Variants in GRIN2D observed in about 807,000 individuals in gnomAD.
GRIN2D encodes the protein glutamate receptor ionotropic, NMDA 2D.
Under a neutral mutation model 103.2 loss-of-function variants are expected in GRIN2D, and 37 were observed. That is an observed-to-expected ratio of 0.36 (90% CI 0.28 to 0.47). The LOEUF is 0.47. GRIN2D is among the 20% of genes least tolerant of loss of function. GRIN2D has a pLI of 1.00. For synonymous variants in GRIN2D, 845 were observed against 885.6 expected (o/e 0.95, Z 0.81); for missense variants, 1,557 against 1,910.6 (o/e 0.81, Z 3.45).
At position 48,442,579 on chromosome 19, in the gene GRIN2D, G is replaced by C; in HGVS notation, c.2674-21G>C. On this transcript the variant is annotated intron_variant, in intron 13 of 13. Transcript: ENST00000263269. This position sits in a 1 kb window ranked among gnomAD's most constrained non-coding sequence, Gnocchi z 7.2. ...TCCTGGGCATCTCGCGCTGACCCCC[G>C]TCCTGTCCCCGGACCCGCAGGGCAT... The C allele has an allele frequency of 6.7e-7, 1 of 1,494,206 alleles. No individual in the cohort carries two copies. 92.6% of individuals were successfully genotyped at this position (1,494,206 alleles called of 1,614,324 possible). A position where few individuals can be genotyped will look rare whatever the true frequency, so the allele number is the denominator to read the frequency against.
intron 4 of GRIN2D, among the ~76,000 whole-genome samples, chr19:48,411,785 A>C (rs7255050): frequency 0.62 from 93,649 of 151,518 alleles, 30,480 homozygotes; most frequent in East Asian, 0.84. Flanking sequence ...AGACACCTTG[A>C]AGCCAGTGTT....
At chr19:48,404,279 T>C (rs1438567565) in intron 3 of GRIN2D, among the ~76,000 whole-genome samples, 3 of 150,926 alleles carry the variant, frequency 2.0e-5, no homozygotes, top group African/African-American at 7.3e-5. Context: ...TGTTCCTGAT[T>C]GGAGGTGGCT....
intron 11 of GRIN2D, among the ~76,000 whole-genome samples, chr19:48,431,883 C>A (rs541431815): frequency 2.9e-4 from 44 of 151,428 alleles, no homozygotes; most frequent in African/African-American, 1.0e-3. Flanking sequence ...CCGCGCCCGG[C>A]CTGCTTTCCT....
chr19:48,437,852 G>A (rs1437812192), intron 11 of GRIN2D, among the ~76,000 whole-genome samples: 2 of 152,142 alleles, frequency 1.3e-5, no homozygotes, highest in Admixed American at 1.3e-4. Context: ...TATTTTTCTC[G>A]CCTATACTTA....
rs1356060325 is a variant in GRIN2D at position 48,404,976 on chromosome 19, C to T, written c.708C>T (p.Leu236=). Residue 236 remains leucine (L), a synonymous_variant, in exon 4 of 14, where the codon CTC becomes CTT. Transcript: ENST00000263269. The stretch of plus-strand genomic sequence containing the variant: ...GCGAGGCCGTGCTCAGTGCCCAGCT[C>T]CGCAGTGTCAGCGCGCAGATCCGCC... The part of the protein sequence containing the change: ...GAGEAVLSAQ[L]RSVSAQIRLL... 1.9e-6 allele frequency: 3 copies of T among 1,612,408 alleles called. No individual in the cohort carries two copies. The highest frequency in any genetic ancestry group is 2.5e-6 in the Non-Finnish European group (3 of 1,179,616).
intron 8 of GRIN2D, among the ~76,000 whole-genome samples, chr19:48,416,592 T>C (rs1039136243): frequency 6.6e-6 from 1 of 152,168 alleles, no homozygotes; most frequent in South Asian, 2.1e-4. Flanking sequence ...TAAGTCACCA[T>C]CAGTGTTTAC....
Position 48,442,548 on chromosome 19 carries a change from C to G in GRIN2D, c.2674-52C>G. 6 of 1,475,164 alleles carry G rather than the reference C, an allele frequency of 4.1e-6. No individual in the cohort carries two copies. Among genetic ancestry groups the G allele is most frequent in the Non-Finnish European group, 5.4e-6 (6 of 1,117,910 alleles). The allele number at this position is 1,475,164 out of a possible 1,614,324, so 91.4% of individuals were successfully genotyped here. On this transcript the variant is annotated intron_variant, in intron 13 of 13. Coordinates refer to ENST00000263269, the MANE Select transcript of GRIN2D (RefSeq NM_000836.4). This position sits in a 1 kb window ranked among gnomAD's most constrained non-coding sequence, Gnocchi z 7.2. Reference sequence around the variant, plus strand: ...GAGAGAGGGACTGAGGGGAGGCGGGCAGGCGTCCTGGGCATCTCGCGCTGA... The same window carrying G: ...GAGAGAGGGACTGAGGGGAGGCGGGGAGGCGTCCTGGGCATCTCGCGCTGA...
Position 48,443,552 on chromosome 19 carries a change from C to T in GRIN2D, c.3626C>T (p.Pro1209Leu), listed in dbSNP as rs1971335833. The T allele has an allele frequency of 7.9e-7, 1 of 1,269,906 alleles. No individual in the cohort carries two copies. The highest frequency in any genetic ancestry group is 9.9e-7 in the Non-Finnish European group (1 of 1,008,348). The allele number at this position is 1,269,906 out of a possible 1,614,324, so 78.7% of individuals were successfully genotyped here. A position where few individuals can be genotyped will look rare whatever the true frequency, so the allele number is the denominator to read the frequency against. The change falls in exon 14 of 14, where the codon CCA (proline) becomes CTA (leucine). Residue 1209 changes from proline to leucine, a missense_variant. By Grantham distance (98) the Pro-to-Leu change is moderately conservative. Around this residue, in one of 7 missense-constraint regions of GRIN2D, gnomAD observed 632 missense variants for 572.8 expected, o/e 1.10. Transcript: ENST00000263269. This position sits in a 1 kb window ranked among gnomAD's most constrained non-coding sequence, Gnocchi z 8.9. ...GGCCTGGACGGCGGCTGGTGGGCGC[C>T]ACCGCCTCCACCCTGGGCCGCCGGG... The part of the protein sequence containing the change: ...HDGLDGGWWA[P>L]PPPPWAAGPL...
rs8110223 is a variant in GRIN2D at position 48,421,234 on chromosome 19, G to A, written c.2092-551G>A. On this transcript the variant is annotated intron_variant, in intron 10 of 13. Coordinates refer to ENST00000263269, the MANE Select transcript of GRIN2D (RefSeq NM_000836.4). The surrounding 1 kb of genome is among the most constrained non-coding windows in gnomAD (Gnocchi z 4.8). ...ACCTGAGGTTGGTAGTTCGAGACCA[G>A]CCTGACCAACATGGAGAAACCCCAT... is the stretch of plus-strand genomic sequence containing the variant. 2.5e-4 allele frequency among the ~76,000 whole-genome samples: 38 copies of A among 152,128 alleles called. No homozygotes were observed. Among genetic ancestry groups the A allele is most frequent in the African/African-American group, 8.9e-4 (37 of 41,418 alleles).
intron 2 of GRIN2D, among the ~76,000 whole-genome samples, chr19:48,396,551 C>T (rs1247595653): frequency 1.5e-5 from 2 of 135,530 alleles, no homozygotes; most frequent in Non-Finnish European, 3.2e-5. Context: ...TATTTTGGGG[C>T]GGAGTGGGGG....
chr19:48,414,454 G>C lies in GRIN2D; in HGVS notation c.1282G>C (p.Asp428His). The change falls in exon 6 of 14, where the codon GAC becomes CAC. Residue 428 changes from aspartate to histidine, a missense_variant. Asp to His is a moderately conservative substitution (Grantham distance 81). Coordinates refer to ENST00000263269, the MANE Select transcript of GRIN2D (RefSeq NM_000836.4). This position sits in a 1 kb window ranked among gnomAD's most constrained non-coding sequence, Gnocchi z 4.6. ...RYGRFLQPVD[D>H]TQHLTVATLE... is the part of the protein sequence containing the mutation. ...TGGTCGCTTCCTGCAGCCAGTGGAC[G>C]ACACGCAGCACCTCACGGTGGCCAC... 6.2e-7 allele frequency: 1 copy of C among 1,608,228 alleles called. No individual in the cohort carries two copies. The highest frequency in any genetic ancestry group is 8.5e-7 in the Non-Finnish European group (1 of 1,177,406).
rs1160849237 is a variant in GRIN2D, at chr19:48,430,941, T to C, written c.2252+8996T>C. Reference sequence around the variant, plus strand: ...TTCAAGCGATTCTCATGCCTCAGCCTCCCAAATAGCTGGGATTACAGTCGT... The same window carrying C: ...TTCAAGCGATTCTCATGCCTCAGCCCCCCAAATAGCTGGGATTACAGTCGT... On this transcript the variant is annotated intron_variant, in intron 11 of 13. Coordinates refer to ENST00000263269, the MANE Select transcript of GRIN2D (RefSeq NM_000836.4). 2.6e-5 allele frequency among the ~76,000 whole-genome samples: 4 copies of C among 151,580 alleles called. No individual in the cohort carries two copies. The East Asian group carries it at 7.8e-4, about 29-fold the overall frequency.
intron 4 of GRIN2D, among the ~76,000 whole-genome samples, chr19:48,406,240 T>C (rs1315485611): frequency 6.6e-6 from 1 of 152,186 alleles, no homozygotes; most frequent in Non-Finnish European, 1.5e-5. Flanking sequence ...TTGCTACATA[T>C]TTTGAATATT....
In GRIN2D at chr19:48,398,682, G is replaced by A. The variant is rs1456099333; in HGVS notation, c.290G>A (p.Arg97His). ...CTGGTGCTCAACGGCTCGGACCCGCGCAGCCTCGTGCTGCAGCTCTGCGAC... is the reference window on the plus strand; with the variant it reads ...CTGGTGCTCAACGGCTCGGACCCGCACAGCCTCGTGCTGCAGCTCTGCGAC... Reference protein sequence around the residue: ...VALVLNGSDPRSLVLQLCDLL... With the variant: ...VALVLNGSDPHSLVLQLCDLL... The change falls in exon 3 of 14, where the codon CGC (arginine) becomes CAC (histidine). Residue 97 changes from arginine (R) to histidine (H), a missense_variant. Around this residue, in one of 7 missense-constraint regions of GRIN2D, gnomAD observed 490 missense variants for 601.1 expected, o/e 0.82. Transcript: ENST00000263269. The A allele has an allele frequency of 2.7e-6, 4 of 1,459,186 alleles. No individual in the cohort carries two copies. Among genetic ancestry groups the A allele is most frequent in the African/African-American group, 2.9e-5 (2 of 67,864 alleles). 90.4% of individuals were successfully genotyped at this position (1,459,186 alleles called of 1,614,324 possible). A position where few individuals can be genotyped will look rare whatever the true frequency, so the allele number is the denominator to read the frequency against.
rs35263933 is a variant in GRIN2D, at chr19:48,402,765, CGAGAGAGAGAGAGA to C, written c.466-1942_466-1929del. Among the ~76,000 whole-genome samples the C allele has an allele frequency of 1.1e-3, 115 of 109,004 alleles. 2 individuals are homozygous for C. In the East Asian group the frequency reaches 0.015, roughly 14 times the overall value. The allele number at this position is 109,004 out of a possible 152,430, so 71.5% of individuals were successfully genotyped here. The stretch of plus-strand genomic sequence containing the variant: ...AAAAAAAAGATTCTTTACTCCTTTA[CGAGAGAGAGAGAGA>C]GAGAGAGAGAGAGAGAGAGAGAGAG... On this transcript the variant is annotated intron_variant, in intron 3 of 13. Coordinates refer to ENST00000263269, the MANE Select transcript of GRIN2D (RefSeq NM_000836.4).
Position 48,404,834 on chromosome 19 carries a change from C to A in GRIN2D, c.566C>A (p.Ala189Asp), listed in dbSNP as rs1415597647. Residue 189 changes from alanine (A) to aspartate (D), a missense_variant, in exon 4 of 14, where the codon GCC becomes GAC. Ala to Asp is a moderately radical substitution (Grantham distance 126). Coordinates refer to ENST00000263269, the MANE Select transcript of GRIN2D (RefSeq NM_000836.4). ...LEEYDWTSFV[A>D]VTTRAPGHRA... Reference sequence around the variant, plus strand: ...GAGTATGACTGGACGTCCTTTGTAGCCGTGACCACTCGTGCCCCTGGCCAC... The same window carrying A: ...GAGTATGACTGGACGTCCTTTGTAGACGTGACCACTCGTGCCCCTGGCCAC... 1.2e-6 allele frequency: 2 copies of A among 1,614,076 alleles called. No homozygotes were observed. Among genetic ancestry groups the A allele is most frequent in the Non-Finnish European group, 1.7e-6 (2 of 1,180,032 alleles).
intron 2 of GRIN2D, among the ~76,000 whole-genome samples, chr19:48,398,030 T>TCTGTCTCTCCCTCTGTCTCTGC (rs1318789920): frequency 1.5e-4 from 23 of 150,724 alleles, no homozygotes; most frequent in Non-Finnish European, 3.0e-4. Flanking sequence ...CTCTGCTGTG[T>TCTGTCTCTCCCTCTGTCTCTGC]CTGTCTCTCC....
chr19:48,431,401 C>A (rs570669758), intron 11 of GRIN2D, among the ~76,000 whole-genome samples: 9 of 152,250 alleles, frequency 5.9e-5, no homozygotes, highest in African/African-American at 2.2e-4. Context: ...GTATAGAATT[C>A]TGCATTAGAG....
At chr19:48,412,486 A>G (rs1970884030) in intron 4 of GRIN2D, among the ~76,000 whole-genome samples, 1 of 150,952 alleles carries the variant, frequency 6.6e-6, no homozygotes, top group Non-Finnish European at 1.5e-5. Flanking sequence ...AGAAAGAGAG[A>G]GAAAGAAAGA....
Sources: gnomAD v4.1 joint callset for allele counts (sites outside exome capture counted in the v4.1 genomes callset) on GRCh38, gnomAD v4.1.1 for gene constraint, gnomAD v4.1.1 regional missense constraint, Gnocchi (gnomAD v3.1) non-coding constraint, MANE v1.5 for transcripts, NCBI Gene and HGNC (gene_info 2026-07-23, HGNC 2026-07-21) for gene names.